Variants in FAM184A observed in about 807,000 individuals in gnomAD.
FAM184A encodes the protein protein FAM184A.
Under a neutral mutation model 143.8 loss-of-function variants are expected in FAM184A, and 99 were observed. The ratio of observed to expected loss-of-function variants is 0.69; its 90% CI spans 0.58 to 0.81. The LOEUF (loss-of-function observed/expected upper bound fraction) is 0.81. FAM184A is among the 40% of genes least tolerant of loss of function. The probability of loss-of-function intolerance (pLI) is 0.00; values close to 1 mark genes in which losing one functional copy is unlikely to be tolerated. For missense variants in FAM184A, 1,217 were observed against 1,310.5 expected, an observed-to-expected ratio of 0.93 and a Z score of 1.10; for synonymous variants, 427 against 446.4, an observed-to-expected ratio of 0.96 and a Z score of 0.55.
chr6:119,025,337 C>T, intron 1 of FAM184A: 1 of 413,442 alleles, frequency 2.4e-6, no homozygotes, highest in Non-Finnish European at 4.7e-6. Context: ...AAATTTTAAA[C>T]TTTCCTTTCC....
At chr6:118,961,324 C>CAT (rs373554333) in intron 17 of FAM184A, among the ~76,000 whole-genome samples, 5,198 of 144,690 alleles carry the variant, frequency 0.036, 138 homozygotes, top group Non-Finnish European at 0.053. Flanking sequence ...TGACAATAAG[C>CAT]ATATATATAT....
intron 1 of FAM184A, among the ~76,000 whole-genome samples, chr6:119,046,509 A>G (rs774644835): frequency 6.6e-5 from 10 of 152,040 alleles, no homozygotes; most frequent in Non-Finnish European, 1.5e-4. Context: ...AAAGTTAACT[A>G]CACCAAGTTG....
intron 1 of FAM184A, among the ~76,000 whole-genome samples, chr6:119,047,322 G>A (rs1023887480): frequency 2.0e-5 from 3 of 152,126 alleles, no homozygotes; most frequent in Non-Finnish European, 4.4e-5. Flanking sequence ...GCAGTTTGGA[G>A]GTTCCTCAAA....
rs537082816 is a variant in FAM184A, at chr6:119,054,650, G to A, written c.159+23491C>T. 3.9e-5 allele frequency among the ~76,000 whole-genome samples: 6 copies of A among 152,278 alleles called. No homozygotes were observed. In the East Asian group the frequency reaches 1.2e-3, roughly 29 times the overall value. On this transcript the variant is annotated intron_variant, in intron 1 of 17. Coordinates refer to ENST00000338891, the MANE Select transcript of FAM184A (RefSeq NM_024581.6). ...AAGAATTTCCTAAAGTGTGACATAA[G>A]AAGGGACTTTAGGTAATCAATATTT...
At chr6:119,140,749 A>AAAGGGAGGC (rs1772207436) in intron 1 of FAM184A, among the ~76,000 whole-genome samples, 1 of 152,172 alleles carries the variant, frequency 6.6e-6, no homozygotes, top group South Asian at 2.1e-4. Flanking sequence ...AAAACCGGTG[A>AAAGGGAGGC]AAGGGAGGCG....
chr6:119,009,077 C>G lies in FAM184A; in HGVS notation c.1653+2232G>C, dbSNP rs182203177. On this transcript the variant is annotated intron_variant, in intron 6 of 17. Coordinates refer to ENST00000338891, the MANE Select transcript of FAM184A (RefSeq NM_024581.6). ...CCTACTTATTATGTGCTGACTTGGG[C>G]AAGTTATTTTAACTTTTCTATGCTT... 5.1e-4 allele frequency among the ~76,000 whole-genome samples: 78 copies of G among 152,294 alleles called. 1 individual carries two copies. Among genetic ancestry groups the G allele is most frequent in the Admixed American group, 3.5e-3 (54 of 15,298 alleles).
chr6:119,062,450 G>A (rs946769263), intron 1 of FAM184A, among the ~76,000 whole-genome samples: 1 of 152,060 alleles, frequency 6.6e-6, no homozygotes, highest in Non-Finnish European at 1.5e-5. Flanking sequence ...GATTGCTTGA[G>A]CCCTGGAATA....
At chr6:118,997,498 T>C (rs752926181) in intron 9 of FAM184A, among the ~76,000 whole-genome samples, 41 of 152,268 alleles carry the variant, frequency 2.7e-4, no homozygotes, top group Non-Finnish European at 5.3e-4. Flanking sequence ...AAGACCAGCC[T>C]GGCCAACATG....
At position 118,975,213 on chromosome 6, in the gene FAM184A, TA is replaced by T. The variant is rs78125835; in HGVS notation, c.2584-6del. 0.024 allele frequency: 28,216 copies of T among 1,178,228 alleles called. 2 individuals carry two copies. The highest frequency in any genetic ancestry group is 0.042 in the South Asian group (2,527 of 59,682). The allele number at this position is 1,178,228 out of a possible 1,614,324, so 73.0% of individuals were successfully genotyped here. On this transcript the variant is annotated splice_polypyrimidine_tract_variant and splice_region_variant and intron_variant, in intron 12 of 17. Transcript: ENST00000338891. ...TCTACATATGTGCTCCTTACTCTGT[TA>T]AAAAAAAAAAGTCATTTTTAGAAGT...
At chr6:118,970,008 A>ATATATATATATTTT in intron 14 of FAM184A, among the ~76,000 whole-genome samples, 1 of 19,050 alleles carries the variant, frequency 5.2e-5, no homozygotes, top group African/African-American at 1.5e-4. Context: ...ATATATATAT[A>ATATATATATATTTT]TTTTTTTTTT....
intron 4 of FAM184A, among the ~76,000 whole-genome samples, 174 bp from the exon 5 acceptor site, chr6:119,017,118 T>C (rs547170196): frequency 6.6e-6 from 1 of 152,316 alleles, no homozygotes; most frequent in South Asian, 2.1e-4. Context: ...GGGGAGCCTA[T>C]ACAAAATCAA....
intron 5 of FAM184A, among the ~76,000 whole-genome samples, chr6:119,015,963 A>C (rs1785235489): frequency 6.6e-6 from 1 of 150,710 alleles, no homozygotes; most frequent in South Asian, 2.1e-4. Flanking sequence ...TTGTAAATAC[A>C]CCAATCGACA....
Position 119,020,783 on chromosome 6 carries a change from T to A in FAM184A, c.1151-624A>T, listed in dbSNP as rs529448339. Among the ~76,000 whole-genome samples, 31 of 152,238 alleles carry A rather than the reference T, an allele frequency of 2.0e-4. No individual in the cohort carries two copies. The South Asian group carries it at 5.0e-3, about 24-fold the overall frequency. On this transcript the variant is annotated intron_variant, in intron 3 of 17. Coordinates refer to ENST00000338891, the MANE Select transcript of FAM184A (RefSeq NM_024581.6). ...TGAGCCCAGGAGTTCAAGGTTGCAG[T>A]GAGCTATGACTGCACCTGTAACAGC...
intron 1 of FAM184A, among the ~76,000 whole-genome samples, chr6:119,142,595 C>T (rs1772284450): frequency 6.6e-6 from 1 of 152,184 alleles, no homozygotes; most frequent in African/African-American, 2.4e-5. Context: ...GAAGGACGTT[C>T]TTGCATTCAG....
chr6:119,127,389 G>T (rs1789398741), intron 1 of FAM184A, among the ~76,000 whole-genome samples: 1 of 152,224 alleles, frequency 6.6e-6, no homozygotes, highest in South Asian at 2.1e-4. Context: ...CACAGTGGAA[G>T]GGCAGGGCCT....
intron 5 of FAM184A, among the ~76,000 whole-genome samples, chr6:119,012,741 G>A (rs1447037019): frequency 1.3e-5 from 2 of 152,196 alleles, no homozygotes; most frequent in Non-Finnish European, 2.9e-5. Context: ...GCTTAGGCCA[G>A]TGAGTCATTC....
chr6:119,061,409 G>A (rs968465514), intron 1 of FAM184A, among the ~76,000 whole-genome samples: 9 of 151,844 alleles, frequency 5.9e-5, no homozygotes, highest in Non-Finnish European at 1.3e-4. Context: ...AGGCTGAAGT[G>A]CAGTGATGCA....
chr6:119,023,937 G>T, intron 2 of FAM184A, 22 bp downstream of exon 2: 2 of 1,523,480 alleles, frequency 1.3e-6, no homozygotes, highest in South Asian at 2.7e-5. Context: ...TCCATGTGTT[G>T]AATATAATAT....
At chr6:119,098,894 G>A (rs946902951) in intron 1 of FAM184A, among the ~76,000 whole-genome samples, 1 of 152,214 alleles carries the variant, frequency 6.6e-6, no homozygotes, top group Admixed American at 6.5e-5. Context: ...TGGATCACCT[G>A]AAGTCAAGAG....
Sources: allele counts gnomAD v4.1 joint callset (sites outside exome capture counted in the v4.1 genomes callset), GRCh38; gene constraint gnomAD v4.1.1; transcripts MANE v1.5; gene names NCBI Gene and HGNC (gene_info 2026-07-23, HGNC 2026-07-21).